Variants in STK32B observed in about 807,000 individuals in gnomAD.
STK32B encodes serine/threonine kinase 32B, also known as serine/threonine-protein kinase 32B.
In STK32B, 43 loss-of-function variants were observed where a neutral mutation model predicts 52.6. That is an observed-to-expected ratio of 0.82 (90% confidence interval 0.64 to 1.05). The LOEUF is 1.05. Ranked by LOEUF, STK32B falls within the 50% of genes least tolerant of loss-of-function variation. STK32B has a pLI of 0.00. For missense variants in STK32B, 621 were observed against 534.6 expected (o/e 1.16, Z -1.59); for synonymous variants, 238 against 204.3 (o/e 1.17, Z -1.41).
intron 3 of STK32B, among the ~76,000 whole-genome samples, chr4:5,195,916 C>G (rs908211470): frequency 6.6e-6 from 1 of 152,210 alleles, no homozygotes; most frequent in Non-Finnish European, 1.5e-5. Context: ...AAAAAACAAT[C>G]TTCAGTTGTC....
chr4:5,139,910 T>C lies in STK32B; in HGVS notation c.58T>C (p.Phe20Leu). 2 of 1,614,194 alleles carry C rather than the reference T, an allele frequency of 1.2e-6. No individual in the cohort carries two copies. Among genetic ancestry groups the C allele is most frequent in the Non-Finnish European group, 1.7e-6 (2 of 1,180,032 alleles). Residue 20 changes from phenylalanine (F) to leucine (L), a missense_variant, in exon 2 of 12, where the codon TTT (phenylalanine) becomes CTT (leucine). Coordinates refer to ENST00000282908, the MANE Select transcript of STK32B (RefSeq NM_018401.3). Reference protein sequence around the residue: ...PVFDENEEVNFDHFQILRAIG... With the variant: ...PVFDENEEVNLDHFQILRAIG... ...TTTTTTGTTTTCTTTTGCAGTCAAC[T>C]TTGACCATTTTCAGATTCTGCGGGC...
chr4:5,315,683 T>G (rs1191090189), intron 3 of STK32B, among the ~76,000 whole-genome samples: 3 of 91,544 alleles, frequency 3.3e-5, no homozygotes, highest in Admixed American at 1.0e-4. Flanking sequence ...TTTCTTTTTC[T>G]TTTTTTTTTT....
At position 5,168,458 on chromosome 4, in the gene STK32B, T is replaced by G. The variant is rs765714623; in HGVS notation, c.260+8T>G. On this transcript the variant is annotated splice_region_variant and intron_variant, in intron 3 of 11. Transcript: ENST00000282908. ...CTTCCTGGTCAATCTGTGGTGAGTG[T>G]GGCTCCATCCAGGGCTCCTGTGGGT... 1.2e-6 allele frequency: 2 copies of G among 1,610,508 alleles called. No individual in the cohort carries two copies. The highest frequency in any genetic ancestry group is 8.5e-7 in the Non-Finnish European group (1 of 1,178,154).
chr4:5,153,301 G>T lies in STK32B; in HGVS notation c.108+13341G>T, dbSNP rs147146169. 2.9e-4 allele frequency among the ~76,000 whole-genome samples: 44 copies of T among 152,260 alleles called. No homozygotes were observed. The East Asian group carries it at 6.8e-3, about 23-fold the overall frequency. ...TCAGAGCCTGCTTCTTCCAGTCATG[G>T]AAACTTGGACCAATCATGTGGCTCC... On this transcript the variant is annotated intron_variant, in intron 2 of 11. Transcript: ENST00000282908.
intron 3 of STK32B, among the ~76,000 whole-genome samples, chr4:5,227,938 C>G (rs1182567100): frequency 3.3e-5 from 5 of 152,102 alleles, no homozygotes; most frequent in Admixed American, 2.6e-4. Context: ...GCAGTTTCGC[C>G]CATCACTGAG....
At chr4:5,238,875 A>G (rs778623893) in intron 3 of STK32B, among the ~76,000 whole-genome samples, 1 of 152,248 alleles carries the variant, frequency 6.6e-6, no homozygotes, top group Non-Finnish European at 1.5e-5. Flanking sequence ...CAGTGGGACT[A>G]TGGATGAGAA....
intron 3 of STK32B, among the ~76,000 whole-genome samples, chr4:5,246,738 C>G (rs140846179): frequency 2.0e-5 from 3 of 152,186 alleles, no homozygotes; most frequent in Admixed American, 6.5e-5. Context: ...TGGTGACATA[C>G]ATACGGGTTT....
At chr4:5,286,794 CTTTTT>C (rs60300816) in intron 3 of STK32B, among the ~76,000 whole-genome samples, 2 of 113,270 alleles carry the variant, frequency 1.8e-5, no homozygotes, top group African/African-American at 8.0e-5. Context: ...TACAGATGTA[CTTTTT>C]TTTTTTTTTT....
chr4:5,251,439 C>G (rs1323989381), intron 3 of STK32B, among the ~76,000 whole-genome samples: 2 of 152,076 alleles, frequency 1.3e-5, no homozygotes, highest in African/African-American at 2.4e-5. Context: ...TTCCATTGAT[C>G]TGGTATTTTT....
intron 1 of STK32B, among the ~76,000 whole-genome samples, chr4:5,055,756 C>T (rs550673179): frequency 5.0e-4 from 76 of 152,270 alleles, no homozygotes; most frequent in Non-Finnish European, 5.9e-4. Flanking sequence ...GGGCATCTCC[C>T]CCCCAGCCCA....
chr4:5,037,940 G>A, the STK32B span, among the ~76,000 whole-genome samples: 1 of 152,136 alleles, frequency 6.6e-6, no homozygotes, highest in Non-Finnish European at 1.5e-5. Context: ...CTGAAGGGAC[G>A]GAAGGGGGAG....
chr4:5,080,757 T>C (rs1422730775), intron 1 of STK32B, among the ~76,000 whole-genome samples: 1 of 152,154 alleles, frequency 6.6e-6, no homozygotes, highest in Non-Finnish European at 1.5e-5. Flanking sequence ...AATTAACATA[T>C]ATATCGCCTT....
At chr4:5,370,996 G>GTGTA (rs570241863) in intron 4 of STK32B, among the ~76,000 whole-genome samples, 4,191 of 141,072 alleles carry the variant, frequency 0.03, 246 homozygotes, top group Admixed American at 0.15. Context: ...GTGTGTGTGT[G>GTGTA]TATATATATA....
At chr4:5,183,911 C>T (rs1372794846) in intron 3 of STK32B, among the ~76,000 whole-genome samples, 1 of 152,162 alleles carries the variant, frequency 6.6e-6, no homozygotes, top group East Asian at 1.9e-4. Context: ...GAGTTGGGAA[C>T]TTGCTCTGGA....
At chr4:5,471,559 T>C (rs1560442620) in intron 11 of STK32B, among the ~76,000 whole-genome samples, 1 of 152,148 alleles carries the variant, frequency 6.6e-6, no homozygotes. Context: ...TACATTTCTG[T>C]TGTTTAAAGC....
At chr4:5,447,613 G>A (rs1190817094) in intron 7 of STK32B, among the ~76,000 whole-genome samples, 1 of 152,210 alleles carries the variant, frequency 6.6e-6, no homozygotes, top group Admixed American at 6.5e-5. Flanking sequence ...TCTAGCCTAG[G>A]TGACAGAGTG....
chr4:5,464,054 C>T (rs565523760), intron 9 of STK32B, among the ~76,000 whole-genome samples: 1 of 152,212 alleles, frequency 6.6e-6, no homozygotes, highest in South Asian at 2.1e-4. Flanking sequence ...CCAGTCAGGG[C>T]GGAAGGTGAA....
intron 8 of STK32B, among the ~76,000 whole-genome samples, 190 bp downstream of exon 8, chr4:5,457,113 C>T (rs942038760): frequency 7.9e-5 from 12 of 151,530 alleles, no homozygotes; most frequent in Non-Finnish European, 1.6e-4. Flanking sequence ...CAGCACACCT[C>T]GGAGGACTGT....
In STK32B at chr4:5,468,156, C is replaced by T. The variant is rs1201040224; in HGVS notation, c.1106+86C>T. ...TGGCAGAATCACAGTCCCTGCCCCC[C>T]AAACCGGCCTTGACGACAAAAGGGA... is the stretch of plus-strand genomic sequence containing the variant. On this transcript the variant is annotated intron_variant, in intron 11 of 11. Transcript: ENST00000282908. 5.7e-6 allele frequency: 8 copies of T among 1,414,042 alleles called. No homozygotes were observed. The African/African-American group carries it at 7.0e-5, about 12-fold the overall frequency. The allele number at this position is 1,414,042 out of a possible 1,614,324, so 87.6% of individuals were successfully genotyped here. A position where few individuals can be genotyped will look rare whatever the true frequency, so the allele number is the denominator to read the frequency against.
Sources: allele counts gnomAD v4.1 joint callset (sites outside exome capture counted in the v4.1 genomes callset), GRCh38; gene constraint gnomAD v4.1.1; transcripts MANE v1.5; gene names NCBI Gene and HGNC (gene_info 2026-07-23, HGNC 2026-07-21).